TNR: variants seen among roughly 807,000 people sequenced by gnomAD.
TNR encodes the protein tenascin-R.
In TNR, 45 loss-of-function variants were observed where a neutral mutation model predicts 150.4. The ratio of observed to expected loss-of-function variants is 0.30; its 90% CI spans 0.24 to 0.38. TNR has a LOEUF of 0.38. Ranked by LOEUF, TNR falls within the 10% of genes least tolerant of loss-of-function variation. The pLI, the probability that TNR is intolerant of heterozygous loss-of-function variation, is 1.00. For missense variants in TNR, 1,544 were observed against 1,759.1 expected, an observed-to-expected ratio of 0.88 and a Z score of 2.19; for synonymous variants, 687 against 678.4, an observed-to-expected ratio of 1.01 and a Z score of -0.20.
At chr1:175,399,148 T>C (rs914228649) in intron 4 of TNR, among the ~76,000 whole-genome samples, 1 of 152,216 alleles carries the variant, frequency 6.6e-6, no homozygotes, top group Non-Finnish European at 1.5e-5. Context: ...CTGGTGCTCA[T>C]CCTACAGGTA....
intron 2 of TNR, among the ~76,000 whole-genome samples, chr1:175,522,680 T>A (rs917472834): frequency 6.6e-6 from 1 of 152,204 alleles, no homozygotes; most frequent in African/African-American, 2.4e-5. Flanking sequence ...TGGTTTGGCA[T>A]GAGACAGAGA....
intron 1 of TNR, among the ~76,000 whole-genome samples, chr1:175,611,550 T>C (rs1278282643): frequency 1.3e-5 from 2 of 152,160 alleles, no homozygotes; most frequent in Non-Finnish European, 2.9e-5. Context: ...CTCAGGCTGT[T>C]CTGCAACTCC....
In TNR at chr1:175,568,479, C is replaced by T. The variant is rs567491792; in HGVS notation, c.-164-40110G>A. 5.9e-5 allele frequency among the ~76,000 whole-genome samples: 9 copies of T among 152,286 alleles called. No homozygotes were observed. The East Asian group carries it at 1.7e-3, about 29-fold the overall frequency. On this transcript the variant is annotated intron_variant, in intron 1 of 22. Transcript: ENST00000367674. ...AAGATCCTTCACTTTACAAGAGGTGCTCAGATTTGAAATGATCTGTCTCCC... is the reference window on the plus strand; with the variant it reads ...AAGATCCTTCACTTTACAAGAGGTGTTCAGATTTGAAATGATCTGTCTCCC...
intron 7 of TNR, 135 bp from the exon 8 acceptor site, chr1:175,386,436 G>A (rs1391280692): frequency 1.1e-6 from 1 of 943,402 alleles, no homozygotes; most frequent in Non-Finnish European, 1.5e-6. Flanking sequence ...TTTTACAGAT[G>A]AGGAAAATGA....
intron 8 of TNR, among the ~76,000 whole-genome samples, chr1:175,381,166 G>C (rs1652659971): frequency 6.6e-6 from 1 of 152,208 alleles, no homozygotes; most frequent in African/African-American, 2.4e-5. Context: ...AGAGGAGCTT[G>C]GATAGAGAGG....
chr1:175,522,597 C>T (rs1317486091), intron 2 of TNR, among the ~76,000 whole-genome samples: 2 of 152,030 alleles, frequency 1.3e-5, no homozygotes, highest in African/African-American at 2.4e-5. Context: ...AGAACTTATG[C>T]AAAACTACAA....
chr1:175,533,390 G>C (rs954720207), intron 1 of TNR, among the ~76,000 whole-genome samples: 1 of 152,144 alleles, frequency 6.6e-6, no homozygotes, highest in African/African-American at 2.4e-5. Context: ...TCCTCTCAGG[G>C]TCATGGTGTA....
At chr1:175,730,037 T>G (rs1289334643) in intron 1 of TNR, among the ~76,000 whole-genome samples, 1 of 152,236 alleles carries the variant, frequency 6.6e-6, no homozygotes, top group Non-Finnish European at 1.5e-5. Context: ...TCTGAGCAGC[T>G]GGTAATTCTC....
At chr1:175,585,460 A>G (rs2102232141) in intron 1 of TNR, among the ~76,000 whole-genome samples, 1 of 152,304 alleles carries the variant, frequency 6.6e-6, no homozygotes, top group Middle Eastern at 3.4e-3. Flanking sequence ...CTAAAAATGA[A>G]ACTACTATTA....
chr1:175,535,345 C>T (rs1248257304), intron 1 of TNR, among the ~76,000 whole-genome samples: 6 of 152,260 alleles, frequency 3.9e-5, no homozygotes, highest in Admixed American at 3.3e-4. Context: ...AACAGTTAAA[C>T]TACTATACCA....
intron 22 of TNR, 147 bp downstream of exon 22, chr1:175,324,209 C>T: frequency 1.1e-6 from 1 of 940,034 alleles, no homozygotes; most frequent in East Asian, 2.7e-5. Flanking sequence ...GATCTTATCC[C>T]ATTGTCTGCA....
At chr1:175,401,686 C>T (rs1212378228) in intron 4 of TNR, among the ~76,000 whole-genome samples, 1 of 151,930 alleles carries the variant, frequency 6.6e-6, no homozygotes, top group Non-Finnish European at 1.5e-5. Context: ...GTTACATGTG[C>T]GGGAACATTG....
chr1:175,668,233 A>G (rs1001687243), intron 1 of TNR, among the ~76,000 whole-genome samples: 1 of 152,216 alleles, frequency 6.6e-6, no homozygotes, highest in Non-Finnish European at 1.5e-5. Context: ...CAGATAAAGT[A>G]TCTTACCAGA....
At chr1:175,371,713 A>G (rs1487330207) in intron 9 of TNR, among the ~76,000 whole-genome samples, 2 of 152,226 alleles carry the variant, frequency 1.3e-5, no homozygotes, top group African/African-American at 4.8e-5. Context: ...GGTATTGCAG[A>G]TGAGCAAACA....
chr1:175,444,252 C>T (rs568638580), intron 2 of TNR, among the ~76,000 whole-genome samples: 3 of 152,292 alleles, frequency 2.0e-5, no homozygotes, highest in South Asian at 2.1e-4. Context: ...GGAGGGACCC[C>T]TGCAAGATGA....
chr1:175,450,861 C>T, intron 2 of TNR, among the ~76,000 whole-genome samples: 1 of 152,224 alleles, frequency 6.6e-6, no homozygotes, highest in African/African-American at 2.4e-5. Context: ...TTGCATCCAT[C>T]TATCTGTGAC....
chr1:175,467,739 G>A (rs1355671809), intron 2 of TNR, among the ~76,000 whole-genome samples: 5 of 152,270 alleles, frequency 3.3e-5, no homozygotes, highest in African/African-American at 9.6e-5. Context: ...AAGGAAATAC[G>A]TGGGAATTTT....
intron 2 of TNR, among the ~76,000 whole-genome samples, chr1:175,422,396 G>A (rs1654790112): frequency 2.0e-5 from 3 of 152,234 alleles, no homozygotes; most frequent in South Asian, 2.1e-4. Flanking sequence ...ATACACACAC[G>A]TGATGTGGTT....
intron 14 of TNR, 96 bp downstream of exon 14, chr1:175,362,567 G>A: frequency 2.0e-6 from 3 of 1,488,402 alleles, no homozygotes; most frequent in Non-Finnish European, 2.7e-6. Context: ...CCCCGAAATG[G>A]AGCCTTAGCC....
Sources: gnomAD v4.1 joint callset for allele counts (sites outside exome capture counted in the v4.1 genomes callset) on GRCh38, gnomAD v4.1.1 for gene constraint, MANE v1.5 for transcripts, NCBI Gene and HGNC (gene_info 2026-07-23, HGNC 2026-07-21) for gene names.